The following RAP1GAP variants were observed in gnomAD, a reference collection of about 807,000 sequenced individuals.
The protein encoded by RAP1GAP is RAP1 GTPase activating protein.
Under a neutral mutation model 87.2 loss-of-function variants are expected in RAP1GAP, and 35 were observed. The observed-to-expected ratio is 0.40, with a 90% confidence interval of 0.31 to 0.53. RAP1GAP has a LOEUF of 0.53. Among genes scored for constraint, RAP1GAP ranks in the 20% least tolerant of loss-of-function variants. The pLI is 0.48. For missense variants in RAP1GAP, 734 were observed against 898.9 expected, an observed-to-expected ratio of 0.82 and a Z score of 2.35; for synonymous variants, 375 against 363.9, an observed-to-expected ratio of 1.03 and a Z score of -0.35.
chr1:21,652,346 C>A (rs1234948724), intron 1 of RAP1GAP, among the ~76,000 whole-genome samples: 1 of 152,162 alleles, frequency 6.6e-6, no homozygotes, highest in Non-Finnish European at 1.5e-5. Context: ...CTGGGGATGA[C>A]GAAATGAGTT....
rs539693034 is a variant in RAP1GAP at position 21,668,898 on chromosome 1, C to A, written c.-149+356G>T. 4.6e-5 allele frequency among the ~76,000 whole-genome samples: 7 copies of A among 150,722 alleles called. No individual in the cohort carries two copies. The East Asian group carries it at 1.4e-3, about 30-fold the overall frequency. Reference sequence around the variant, plus strand: ...GAAACGCGCCCACTTCCCACAGTCCCTCCTCTAAACCCCAGGCGCCCCCAC... The same window carrying A: ...GAAACGCGCCCACTTCCCACAGTCCATCCTCTAAACCCCAGGCGCCCCCAC... On this transcript the variant is annotated intron_variant, in intron 1 of 24. Transcript: ENST00000374765. This position sits in a 1 kb window ranked among gnomAD's most constrained non-coding sequence, Gnocchi z 6.2.
At chr1:21,654,508 G>C (rs998108107) in intron 1 of RAP1GAP, among the ~76,000 whole-genome samples, 1 of 152,236 alleles carries the variant, frequency 6.6e-6, no homozygotes, top group Non-Finnish European at 1.5e-5. Context: ...GAAGAGTAGA[G>C]TATTTGTCAC....
chr1:21,620,058 A>G lies in RAP1GAP; in HGVS notation c.-18-8T>C. ...CTCAAATAGATCTGTGTTCTGCAACAGAGACAGGGGAGAGCGAGGTCAGCT... is the reference window on the plus strand; with the variant it reads ...CTCAAATAGATCTGTGTTCTGCAACGGAGACAGGGGAGAGCGAGGTCAGCT... On this transcript the variant is annotated splice_polypyrimidine_tract_variant and splice_region_variant and intron_variant, in intron 3 of 24. Transcript: ENST00000374765. The G allele has an allele frequency of 6.2e-7, 1 of 1,613,902 alleles. No individual in the cohort carries two copies. The highest frequency in any genetic ancestry group is 2.2e-5 in the East Asian group (1 of 44,860).
Position 21,599,494 on chromosome 1 carries a change from C to T in RAP1GAP, c.1776G>A (p.Leu592=), listed in dbSNP as rs2148503003. Residue 592 remains leucine (L), a splice_region_variant and synonymous_variant, in exon 21 of 25, where the codon CTG becomes CTA. Coordinates refer to ENST00000374765, the MANE Select transcript of RAP1GAP (RefSeq NM_002885.4). The stretch of plus-strand genomic sequence containing the variant: ...CCCCTGACCCCCCTGAGCCTCTCAC[C>T]AGGCCTGTGTCCTCTCCGTCCACAC... The part of the protein sequence containing the change: ...TEGVDGEDTG[L]ESVSSSGTPH... The T allele has an allele frequency of 6.2e-7, 1 of 1,608,490 alleles. No homozygotes were observed. The highest frequency in any genetic ancestry group is 8.5e-7 in the Non-Finnish European group (1 of 1,179,740).
intron 2 of RAP1GAP, among the ~76,000 whole-genome samples, chr1:21,649,338 G>A (rs2096371288): frequency 6.6e-6 from 1 of 152,032 alleles, no homozygotes; most frequent in South Asian, 2.1e-4. Context: ...CCCAGCGAGG[G>A]GCCACCCTGA....
chr1:21,610,342 CG>C, intron 13 of RAP1GAP, 67 bp from the exon 14 acceptor site: 1 of 1,576,166 alleles, frequency 6.3e-7, no homozygotes, highest in South Asian at 1.1e-5. Flanking sequence ...GGGGTGCCCA[CG>C]GGGGTTTAGG....
chr1:21,602,971 C>T (rs1053472692), intron 18 of RAP1GAP, 58 bp from the exon 19 acceptor site: 6 of 1,026,656 alleles, frequency 5.8e-6, no homozygotes, highest in Admixed American at 2.0e-5. Flanking sequence ...GTGCCCCCCC[C>T]ACATCCCCTC....
chr1:21,621,004 A>G (rs1489100697), intron 3 of RAP1GAP, among the ~76,000 whole-genome samples: 1 of 152,208 alleles, frequency 6.6e-6, no homozygotes, highest in Non-Finnish European at 1.5e-5. Context: ...GGGACTGTGC[A>G]CAGTGATTCT....
Position 21,613,497 on chromosome 1 carries a change from C to A in RAP1GAP, c.474+131G>T. Reference sequence around the variant, plus strand: ...AGACACGATGGGAACAAGTGAGAGACAGCCTCAGGATAGGGCGGCAGGCCA... The same window carrying A: ...AGACACGATGGGAACAAGTGAGAGAAAGCCTCAGGATAGGGCGGCAGGCCA... On this transcript the variant is annotated intron_variant, in intron 9 of 24. Coordinates refer to ENST00000374765, the MANE Select transcript of RAP1GAP (RefSeq NM_002885.4). The surrounding 1 kb of genome is among the most constrained non-coding windows in gnomAD (Gnocchi z 4.7). The A allele has an allele frequency of 1.1e-6, 1 of 887,364 alleles. No homozygotes were observed. The allele number at this position is 887,364 out of a possible 1,614,324, so 55.0% of individuals were successfully genotyped here. A position where few individuals can be genotyped will look rare whatever the true frequency, so the allele number is the denominator to read the frequency against.
At chr1:21,662,979 C>T (rs949584318) in intron 1 of RAP1GAP, among the ~76,000 whole-genome samples, 3 of 152,228 alleles carry the variant, frequency 2.0e-5, no homozygotes, top group Admixed American at 1.3e-4. Context: ...ATGCCTCCCC[C>T]CATCCAGAAT....
chr1:21,620,178 G>T (rs1570808093), intron 3 of RAP1GAP, 128 bp from the exon 4 acceptor site: 1 of 955,052 alleles, frequency 1.0e-6, no homozygotes, highest in South Asian at 1.5e-5. Context: ...TGAGTAGCAA[G>T]CGGGAGTGAC....
At chr1:21,619,200 G>A in intron 4 of RAP1GAP, 128 bp from the exon 5 acceptor site, 2 of 965,136 alleles carry the variant, frequency 2.1e-6, no homozygotes, top group Non-Finnish European at 3.1e-6. Flanking sequence ...CCCAGGGCAG[G>A]GTGCTAGCTG....
At position 21,644,960 on chromosome 1, in the gene RAP1GAP, G is replaced by A. The variant is rs1045705195; in HGVS notation, c.-113+4801C>T. Among the ~76,000 whole-genome samples, 5 of 150,898 alleles carry A rather than the reference G, an allele frequency of 3.3e-5. No homozygotes were observed. In the East Asian group the frequency reaches 9.7e-4, roughly 29 times the overall value. On this transcript the variant is annotated intron_variant, in intron 2 of 24. Coordinates refer to ENST00000374765, the MANE Select transcript of RAP1GAP (RefSeq NM_002885.4). ...AGAAAGAAATTCAGTGTACCCATCAGAGGTTGTTTCCTTGTCTATTTACTT... is the reference window on the plus strand; with the variant it reads ...AGAAAGAAATTCAGTGTACCCATCAAAGGTTGTTTCCTTGTCTATTTACTT...
chr1:21,666,832 C>T (rs1377291122), intron 1 of RAP1GAP, among the ~76,000 whole-genome samples: 2 of 152,082 alleles, frequency 1.3e-5, no homozygotes, highest in Non-Finnish European at 2.9e-5. Context: ...CATGTGTGCA[C>T]CCTGGAGGAG....
chr1:21,669,205 C>T lies in RAP1GAP; in HGVS notation c.-149+49G>A, dbSNP rs1571616398. The T allele has an allele frequency of 1.6e-6, 2 of 1,251,416 alleles. No individual in the cohort carries two copies. The highest frequency in any genetic ancestry group is 2.1e-6 in the Non-Finnish European group (2 of 973,024). 77.5% of individuals were successfully genotyped at this position (1,251,416 alleles called of 1,614,324 possible). ...CGAGCCGACGGGAGTCTGGACACCT[C>T]TGTCCCCTTCCCCTTTCCAGGGCCG... is the stretch of plus-strand genomic sequence containing the variant. On this transcript the variant is annotated intron_variant, in intron 1 of 24. Transcript: ENST00000374765. This position sits in a 1 kb window ranked among gnomAD's most constrained non-coding sequence, Gnocchi z 5.6.
At chr1:21,599,314 T>C (rs2066253588) in intron 21 of RAP1GAP, among the ~76,000 whole-genome samples, 180 bp downstream of exon 21, 1 of 152,132 alleles carries the variant, frequency 6.6e-6, no homozygotes, top group African/African-American at 2.4e-5. Context: ...TGGACAGTGC[T>C]GGGGAGCCGT....
Position 21,603,535 on chromosome 1 carries a change from G to A in RAP1GAP, c.1429-622C>T, listed in dbSNP as rs998357226. 1.7e-6 allele frequency: 1 copy of A among 605,028 alleles called. No individual in the cohort carries two copies. The highest frequency in any genetic ancestry group is 3.0e-6 in the Non-Finnish European group (1 of 337,136). 37.5% of individuals were successfully genotyped at this position (605,028 alleles called of 1,614,324 possible). A position where few individuals can be genotyped will look rare whatever the true frequency, so the allele number is the denominator to read the frequency against. ...GCTCCATGCAGACCGGCGATATTGG[G>A]GGACGTGCGGCTGGGTGTAGGGCCT... On this transcript the variant is annotated intron_variant, in intron 18 of 24. Transcript: ENST00000374765. This position sits in a 1 kb window ranked among gnomAD's most constrained non-coding sequence, Gnocchi z 6.0.
chr1:21,651,093 G>A (rs1044002248), intron 1 of RAP1GAP, among the ~76,000 whole-genome samples: 1 of 152,096 alleles, frequency 6.6e-6, no homozygotes, highest in Non-Finnish European at 1.5e-5. Flanking sequence ...CCAAATCTCC[G>A]CAACAGGCAT....
rs539032222 is a variant in RAP1GAP at position 21,609,042 on chromosome 1, C to T, written c.1072-106G>A. 1.1e-4 allele frequency: 101 copies of T among 946,296 alleles called. No homozygotes were observed. The South Asian group carries it at 1.3e-3, about 12-fold the overall frequency. 58.6% of individuals were successfully genotyped at this position (946,296 alleles called of 1,614,324 possible). A position where few individuals can be genotyped will look rare whatever the true frequency, so the allele number is the denominator to read the frequency against. On this transcript the variant is annotated intron_variant, in intron 15 of 24. Coordinates refer to ENST00000374765, the MANE Select transcript of RAP1GAP (RefSeq NM_002885.4). The surrounding 1 kb of genome is among the most constrained non-coding windows in gnomAD (Gnocchi z 4.4). ...GAGGCTGCAGCTCCTGAACCATGCT[C>T]TGCTGGGGCCTGGGGTCACCCTCTT...
Sources: gnomAD v4.1 joint callset for allele counts (sites outside exome capture counted in the v4.1 genomes callset) on GRCh38, gnomAD v4.1.1 for gene constraint, Gnocchi (gnomAD v3.1) non-coding constraint, MANE v1.5 for transcripts, NCBI Gene and HGNC (gene_info 2026-07-23, HGNC 2026-07-21) for gene names.